The following SLX4IP variants were observed in gnomAD, a reference collection of about 807,000 sequenced individuals.
The protein encoded by SLX4IP is protein SLX4IP.
SLX4IP carries 34 observed loss-of-function variants against 32.9 expected under a neutral mutation model. The observed-to-expected ratio is 1.03, with a 90% CI of 0.79 to 1.38. SLX4IP has a LOEUF of 1.38. Among genes scored for constraint, SLX4IP ranks in the 40% most tolerant of loss-of-function variants. The pLI is 0.00. For synonymous variants in SLX4IP, 172 were observed against 171.7 expected (o/e 1.00, Z -0.01); for missense variants, 444 against 479.0 (o/e 0.93, Z 0.68).
At chr20:10,490,955 T>C (rs2065617391) in intron 2 of SLX4IP, among the ~76,000 whole-genome samples, 1 of 152,098 alleles carries the variant, frequency 6.6e-6, no homozygotes, top group Non-Finnish European at 1.5e-5. Flanking sequence ...TCCAGGGTTA[T>C]GCAAAATTGA....
intron 6 of SLX4IP, among the ~76,000 whole-genome samples, chr20:10,608,698 A>G (rs1235140): frequency 0.27 from 39,234 of 146,538 alleles, 6,155 homozygotes; most frequent in Non-Finnish European, 0.34. Flanking sequence ...AAAAAAGGTC[A>G]TAGAAAGTCT....
intron 2 of SLX4IP, among the ~76,000 whole-genome samples, chr20:10,535,022 A>T (rs953029822): frequency 1.3e-5 from 2 of 152,074 alleles, no homozygotes; most frequent in African/African-American, 4.8e-5. Context: ...GCCCCTCCAA[A>T]GGTTTTTAGC....
At chr20:10,598,215 G>A (rs889626864) in intron 4 of SLX4IP, among the ~76,000 whole-genome samples, 4 of 152,272 alleles carry the variant, frequency 2.6e-5, no homozygotes, top group East Asian at 1.9e-4. Context: ...AGATAGTAAT[G>A]TTCACCCTTG....
At chr20:10,531,578 T>C (rs922510928) in intron 2 of SLX4IP, among the ~76,000 whole-genome samples, 4 of 152,228 alleles carry the variant, frequency 2.6e-5, no homozygotes, top group Non-Finnish European at 5.9e-5. Context: ...GACAAAGTCC[T>C]TGGTCTCATG....
At chr20:10,516,182 C>T (rs2065847906) in intron 2 of SLX4IP, among the ~76,000 whole-genome samples, 1 of 152,194 alleles carries the variant, frequency 6.6e-6, no homozygotes, top group Non-Finnish European at 1.5e-5. Flanking sequence ...GCCTCCATGC[C>T]TGGCCTCGTG....
intron 2 of SLX4IP, among the ~76,000 whole-genome samples, chr20:10,474,098 C>G (rs1424658476): frequency 6.6e-6 from 1 of 152,300 alleles, no homozygotes; most frequent in East Asian, 1.9e-4. Flanking sequence ...GCTGGGATTA[C>G]AGGCGTGAGC....
intron 2 of SLX4IP, among the ~76,000 whole-genome samples, chr20:10,509,233 C>T (rs186094711): frequency 6.6e-6 from 1 of 152,206 alleles, no homozygotes; most frequent in Non-Finnish European, 1.5e-5. Flanking sequence ...TTGTTGTTCC[C>T]GGGTCTTTCA....
chr20:10,467,793 T>C (rs867818080), intron 2 of SLX4IP, among the ~76,000 whole-genome samples: 1 of 152,214 alleles, frequency 6.6e-6, no homozygotes, highest in South Asian at 2.1e-4. Context: ...ACCTTCTCAC[T>C]CTGTAAGGCA....
At chr20:10,533,034 C>T (rs1331120491) in intron 2 of SLX4IP, among the ~76,000 whole-genome samples, 2 of 152,080 alleles carry the variant, frequency 1.3e-5, no homozygotes, top group South Asian at 2.1e-4. Context: ...CTTGGCCTCC[C>T]GAAGTGCTGG....
chr20:10,569,432 C>T (rs368867330), intron 4 of SLX4IP, among the ~76,000 whole-genome samples: 2 of 151,918 alleles, frequency 1.3e-5, no homozygotes, highest in Non-Finnish European at 2.9e-5. Flanking sequence ...CCCAAAGTGC[C>T]GGGATTACAG....
chr20:10,489,785 T>C (rs1407619751), intron 2 of SLX4IP, among the ~76,000 whole-genome samples: 1 of 152,218 alleles, frequency 6.6e-6, no homozygotes, highest in Non-Finnish European at 1.5e-5. Flanking sequence ...AGGGAAATGG[T>C]TAACATGAGG....
In SLX4IP at chr20:10,623,663, T is replaced by A. The variant is rs778700024; in HGVS notation, c.*284T>A. On this transcript the variant is annotated 3_prime_UTR_variant, in exon 8 of 8. Coordinates refer to ENST00000334534, the MANE Select transcript of SLX4IP (RefSeq NM_001009608.3). Reference sequence around the variant, plus strand: ...CCATCCACCTTGTCAGGGAGGAGACTGTGCAAGGACTGCATGAAGAAACTG... The same window carrying A: ...CCATCCACCTTGTCAGGGAGGAGACAGTGCAAGGACTGCATGAAGAAACTG... 5.2e-5 allele frequency: 23 copies of A among 446,258 alleles called. No individual in the cohort carries two copies. The highest frequency in any genetic ancestry group is 9.2e-5 in the Non-Finnish European group (23 of 250,514). The allele number at this position is 446,258 out of a possible 1,614,324, so 27.6% of individuals were successfully genotyped here.
intron 2 of SLX4IP, among the ~76,000 whole-genome samples, chr20:10,489,881 A>T (rs607919): frequency 0.39 from 59,498 of 152,104 alleles, 11,865 homozygotes; most frequent in Non-Finnish European, 0.43. Flanking sequence ...AGAATTACCG[A>T]GTTATCTTCT....
intron 2 of SLX4IP, among the ~76,000 whole-genome samples, chr20:10,526,197 G>T (rs1208114361): frequency 6.6e-6 from 1 of 151,988 alleles, no homozygotes; most frequent in African/African-American, 2.4e-5. Context: ...TATTCTACTT[G>T]GTAAAAGCCT....
chr20:10,583,822 A>T (rs958967738), intron 4 of SLX4IP, among the ~76,000 whole-genome samples: 11 of 152,204 alleles, frequency 7.2e-5, no homozygotes, highest in African/African-American at 2.7e-4. Flanking sequence ...TTACTAGTAA[A>T]TACTGTTTAA....
intron 4 of SLX4IP, among the ~76,000 whole-genome samples, chr20:10,567,353 CATAA>C (rs1330177094): frequency 6.6e-6 from 1 of 152,180 alleles, no homozygotes; most frequent in African/African-American, 2.4e-5. Context: ...GCAGAGCCTT[CATAA>C]ATAGTTTAAT....
intron 2 of SLX4IP, among the ~76,000 whole-genome samples, chr20:10,515,628 T>C (rs2065843998): frequency 6.6e-6 from 1 of 152,248 alleles, no homozygotes; most frequent in Non-Finnish European, 1.5e-5. Context: ...AACTGTTATT[T>C]CTCAGGTATT....
chr20:10,443,819 C>A (rs962416743), intron 1 of SLX4IP, among the ~76,000 whole-genome samples: 1 of 152,126 alleles, frequency 6.6e-6, no homozygotes, highest in African/African-American at 2.4e-5. Flanking sequence ...TGAGTTCTCT[C>A]AAGCTCTGGT....
chr20:10,451,350 G>A (rs1457414991), intron 1 of SLX4IP, among the ~76,000 whole-genome samples: 1 of 151,856 alleles, frequency 6.6e-6, no homozygotes, highest in Non-Finnish European at 1.5e-5. Flanking sequence ...TAGTAGAGAT[G>A]GGGTTTCACC....
Sources: gnomAD v4.1 joint callset for allele counts (sites outside exome capture counted in the v4.1 genomes callset) on GRCh38, gnomAD v4.1.1 for gene constraint, MANE v1.5 for transcripts, NCBI Gene and HGNC (gene_info 2026-07-23, HGNC 2026-07-21) for gene names.